GPC5: variants seen among roughly 807,000 people sequenced by gnomAD.
The protein encoded by GPC5 is glypican-5.
GPC5 carries 47 observed loss-of-function variants against 53.9 expected under a neutral mutation model. That is an observed-to-expected ratio of 0.87 (90% confidence interval 0.69 to 1.11). GPC5 has a LOEUF of 1.11. GPC5 is among the 50% of genes most tolerant of loss of function. The pLI is 0.00. For synonymous variants in GPC5, 286 were observed against 263.3 expected, an observed-to-expected ratio of 1.09 and a Z score of -0.84; for missense variants, 748 against 713.1, an observed-to-expected ratio of 1.05 and a Z score of -0.56.
chr13:92,062,679 G>T (rs1315949675), intron 6 of GPC5, among the ~76,000 whole-genome samples: 1 of 151,956 alleles, frequency 6.6e-6, no homozygotes, highest in South Asian at 2.1e-4. Context: ...TTTTGGGTTT[G>T]GGGAATAATG....
At chr13:91,621,003 C>A (rs2033839184) in intron 2 of GPC5, among the ~76,000 whole-genome samples, 3 of 152,074 alleles carry the variant, frequency 2.0e-5, no homozygotes, top group Admixed American at 1.3e-4. Flanking sequence ...AGGATTAATG[C>A]AGCAGAGATG....
chr13:92,866,120 G>A (rs1166880430), intron 7 of GPC5, among the ~76,000 whole-genome samples, 162 bp from the exon 8 acceptor site: 3 of 152,098 alleles, frequency 2.0e-5, no homozygotes, highest in Admixed American at 6.6e-5. Context: ...AATCTAAGTA[G>A]GACAGAAATA....
At chr13:91,407,801 A>G (rs1877436750) in intron 1 of GPC5, among the ~76,000 whole-genome samples, 1 of 152,210 alleles carries the variant, frequency 6.6e-6, no homozygotes, top group Non-Finnish European at 1.5e-5. Flanking sequence ...TAAGGAAACA[A>G]ATAATTGCTA....
intron 4 of GPC5, among the ~76,000 whole-genome samples, chr13:91,730,238 A>G (rs1288430019): frequency 6.6e-6 from 1 of 152,140 alleles, no homozygotes; most frequent in Non-Finnish European, 1.5e-5. Flanking sequence ...TTGCTTATTT[A>G]TTGTACAGGT....
intron 7 of GPC5, among the ~76,000 whole-genome samples, chr13:92,606,520 C>G (rs748305597): frequency 1.3e-5 from 2 of 152,148 alleles, no homozygotes; most frequent in Admixed American, 6.5e-5. Flanking sequence ...CAAATCTTTG[C>G]TATTGTGAAT....
At chr13:92,532,677 T>G (rs1212573943) in intron 7 of GPC5, among the ~76,000 whole-genome samples, 1 of 152,200 alleles carries the variant, frequency 6.6e-6, no homozygotes, top group Non-Finnish European at 1.5e-5. Context: ...TGTAAAATTA[T>G]GGTAACATAG....
chr13:92,301,779 T>C (rs987602456), intron 7 of GPC5, among the ~76,000 whole-genome samples: 1 of 151,988 alleles, frequency 6.6e-6, no homozygotes, highest in East Asian at 1.9e-4. Context: ...AAAAAAGTAG[T>C]GCCAGCTACT....
intron 3 of GPC5, among the ~76,000 whole-genome samples, chr13:91,710,766 C>A (rs1430150358): frequency 6.6e-6 from 1 of 152,160 alleles, no homozygotes; most frequent in Non-Finnish European, 1.5e-5. Context: ...TTTACAGAAT[C>A]CACGTGGTTC....
At chr13:91,568,360 CT>C (rs1232898142) in intron 2 of GPC5, among the ~76,000 whole-genome samples, 1 of 151,950 alleles carries the variant, frequency 6.6e-6, no homozygotes, top group African/African-American at 2.4e-5. Flanking sequence ...TAAGGTATTC[CT>C]AGGCTCATTA....
At chr13:92,433,438 A>G (rs569079988) in intron 7 of GPC5, among the ~76,000 whole-genome samples, 1 of 152,174 alleles carries the variant, frequency 6.6e-6, no homozygotes, top group Admixed American at 6.6e-5. Flanking sequence ...TGGGAATATT[A>G]TAGTGCATCA....
intron 7 of GPC5, among the ~76,000 whole-genome samples, chr13:92,170,075 T>G (rs1056830528): frequency 1.3e-5 from 2 of 152,040 alleles, no homozygotes; most frequent in Non-Finnish European, 2.9e-5. Context: ...GGAAAATGTT[T>G]GAAATATCAG....
intron 6 of GPC5, among the ~76,000 whole-genome samples, chr13:91,949,943 A>G (rs371146818): frequency 6.6e-6 from 1 of 151,986 alleles, no homozygotes; most frequent in South Asian, 2.1e-4. Flanking sequence ...CCCTTTGGAG[A>G]ATTTGATATC....
intron 7 of GPC5, among the ~76,000 whole-genome samples, chr13:92,858,414 T>C (rs1254802408): frequency 1.3e-5 from 2 of 152,120 alleles, no homozygotes; most frequent in African/African-American, 2.4e-5. Context: ...CCTTCATAAA[T>C]TACCCACTCT....
At chr13:92,471,230 T>G (rs1878898700) in intron 7 of GPC5, among the ~76,000 whole-genome samples, 1 of 152,118 alleles carries the variant, frequency 6.6e-6, no homozygotes, top group African/African-American at 2.4e-5. Flanking sequence ...TGTCTGTATT[T>G]CTTTATTTTT....
At chr13:92,776,744 CTATAA>C (rs1029574479) in intron 7 of GPC5, among the ~76,000 whole-genome samples, 10 of 152,084 alleles carry the variant, frequency 6.6e-5, no homozygotes, top group African/African-American at 1.9e-4. Flanking sequence ...GTATGTCATG[CTATAA>C]CAGACTAAGC....
intron 7 of GPC5, among the ~76,000 whole-genome samples, chr13:92,403,677 T>C (rs1375690427): frequency 6.6e-6 from 1 of 152,204 alleles, no homozygotes; most frequent in Non-Finnish European, 1.5e-5. Flanking sequence ...GCTAAAGCAT[T>C]CTAGAGCCAT....
intron 7 of GPC5, among the ~76,000 whole-genome samples, chr13:92,326,444 GTATT>G (rs917907120): frequency 6.6e-6 from 1 of 151,976 alleles, no homozygotes; most frequent in Admixed American, 6.6e-5. Context: ...ATATGTATAT[GTATT>G]TGTTTGCTGT....
At position 92,452,354 on chromosome 13, in the gene GPC5, G is replaced by A. The variant is rs367982011; in HGVS notation, c.1561+307365G>A. On this transcript the variant is annotated intron_variant, in intron 7 of 7. Transcript: ENST00000377067. ...TTTAACAAAAACAAATACAGAAAAA[G>A]TGTGGATTTACTCAACAACAAAAAT... 5.9e-5 allele frequency among the ~76,000 whole-genome samples: 9 copies of A among 152,222 alleles called. No homozygotes were observed. The East Asian group carries it at 1.7e-3, about 29-fold the overall frequency.
intron 5 of GPC5, among the ~76,000 whole-genome samples, chr13:91,860,516 T>C (rs1010674174): frequency 1.3e-5 from 2 of 148,228 alleles, no homozygotes; most frequent in African/African-American, 5.1e-5. Flanking sequence ...TTCTTCTTTT[T>C]CTTTATTTCT....
Sources: allele counts gnomAD v4.1 joint callset (sites outside exome capture counted in the v4.1 genomes callset), GRCh38; gene constraint gnomAD v4.1.1; transcripts MANE v1.5; gene names NCBI Gene and HGNC (gene_info 2026-07-23, HGNC 2026-07-21).